Variants in CUX1 observed in about 807,000 individuals in gnomAD.
CUX1 encodes the protein protein CASP.
Under a neutral mutation model 158.8 loss-of-function variants are expected in CUX1, and 31 were observed. That is an observed-to-expected ratio of 0.20 (90% confidence interval 0.15 to 0.26). The LOEUF (loss-of-function observed/expected upper bound fraction) is 0.26. CUX1 is among the 10% of genes least tolerant of loss of function. CUX1 has a pLI of 1.00. For synonymous variants in CUX1, 879 were observed against 862.1 expected, an observed-to-expected ratio of 1.02 and a Z score of -0.34; for missense variants, 1,589 against 2,014.6, an observed-to-expected ratio of 0.79 and a Z score of 4.04.
chr7:102,275,700 G>A (rs879982064), intron 17 of CUX1, among the ~76,000 whole-genome samples: 3 of 152,140 alleles, frequency 2.0e-5, no homozygotes, highest in Non-Finnish European at 2.9e-5. Flanking sequence ...TTTAAGCCAG[G>A]CAGTGGCACT....
chr7:101,954,957 G>A (rs1376923579), intron 2 of CUX1, among the ~76,000 whole-genome samples: 5 of 152,160 alleles, frequency 3.3e-5, no homozygotes, highest in Non-Finnish European at 7.3e-5. Flanking sequence ...GATCACCTGA[G>A]GCCAGGAGTT....
intron 3 of CUX1, 78 bp downstream of exon 3, chr7:102,028,223 C>A: frequency 6.7e-7 from 1 of 1,496,854 alleles, no homozygotes. Context: ...TAAAGAAATG[C>A]TCCGGGCAAA....
At chr7:101,828,833 A>G (rs1793671851) in intron 1 of CUX1, among the ~76,000 whole-genome samples, 1 of 152,134 alleles carries the variant, frequency 6.6e-6, no homozygotes, top group African/African-American at 2.4e-5. Flanking sequence ...TTAGAGAGGC[A>G]GGATGCCCAG....
Position 102,201,681 on chromosome 7 carries a change from A to G in CUX1, c.2384A>G (p.Asp795Gly), listed in dbSNP as rs782645879. 2 of 1,612,614 alleles carry G rather than the reference A, an allele frequency of 1.2e-6. No individual in the cohort carries two copies. The highest frequency in any genetic ancestry group is 1.7e-4 in the Middle Eastern group (1 of 6,036). The change falls in exon 18 of 24, where the codon GAC becomes GGC. Residue 795 changes from aspartate (D) to glycine (G), a missense_variant. Physicochemically the swap from Asp to Gly is moderately conservative, Grantham distance 94. Transcript: ENST00000292535. This position sits in a 1 kb window ranked among gnomAD's most constrained non-coding sequence, Gnocchi z 5.0. ...KKEAQDAPGL[D>G]PQGAADCAQG... ...GAGGCCCAGGACGCCCCCGGGCTGG[A>G]CCCCCAGGGAGCAGCCGATTGTGCA...
chr7:101,914,850 C>T (rs914561189), intron 1 of CUX1, among the ~76,000 whole-genome samples: 2 of 152,126 alleles, frequency 1.3e-5, no homozygotes, highest in African/African-American at 2.4e-5. Flanking sequence ...CGGCATGGCC[C>T]ACCCCGTAGT....
intron 1 of CUX1, among the ~76,000 whole-genome samples, chr7:101,842,646 A>G (rs1032658504): frequency 3.3e-5 from 5 of 152,018 alleles, no homozygotes; most frequent in African/African-American, 9.7e-5. Context: ...TCAGCCTCCC[A>G]AAGTGTTGGG....
At chr7:101,940,072 T>C (rs1585041337) in intron 2 of CUX1, among the ~76,000 whole-genome samples, 2 of 126,760 alleles carry the variant, frequency 1.6e-5, no homozygotes, top group African/African-American at 3.1e-5. Flanking sequence ...AGAGCGAGAC[T>C]CCATCTAAAA....
intron 2 of CUX1, chr7:101,960,085 G>T (rs1307992158): frequency 6.6e-6 from 1 of 152,142 alleles, no homozygotes; most frequent in Non-Finnish European, 1.5e-5. Flanking sequence ...CCTCCGTTCG[G>T]TGCTTTTTTC....
intron 2 of CUX1, among the ~76,000 whole-genome samples, chr7:101,928,716 G>T (rs1342814280): frequency 1.0e-3 from 152 of 146,046 alleles, no homozygotes; most frequent in Non-Finnish European, 2.4e-4. Flanking sequence ...TGTCACCCAG[G>T]CTGGAGTGCA....
intron 4 of CUX1, among the ~76,000 whole-genome samples, chr7:102,078,044 C>G (rs782416753): frequency 3.3e-5 from 5 of 152,130 alleles, no homozygotes; most frequent in African/African-American, 4.8e-5. Context: ...TGTGACTTCT[C>G]TGTTCCAGAA....
intron 20 of CUX1, among the ~76,000 whole-genome samples, chr7:102,216,535 C>CA (rs1491445480): frequency 1.4e-4 from 9 of 64,038 alleles, no homozygotes; most frequent in African/African-American, 6.7e-4. Flanking sequence ...CTCTCCCCCC[C>CA]ACACACACAC....
upstream of CUX1, chr7:101,816,224 C>T (rs1361198966): frequency 2.2e-5 from 4 of 181,460 alleles, no homozygotes; most frequent in African/African-American, 2.4e-5. Context: ...GGGTGCCGGG[C>T]ACCGCGGGGC....
At chr7:101,997,231 G>A (rs560434173) in intron 2 of CUX1, among the ~76,000 whole-genome samples, 2 of 151,636 alleles carry the variant, frequency 1.3e-5, no homozygotes, top group Non-Finnish European at 2.9e-5. Context: ...GGTAGTGTGG[G>A]CCTCCCTGGG....
chr7:101,993,936 C>T (rs1252964055), intron 2 of CUX1, among the ~76,000 whole-genome samples: 1 of 152,226 alleles, frequency 6.6e-6, no homozygotes, highest in Non-Finnish European at 1.5e-5. Context: ...CTCCCAGCCC[C>T]AAACCCGTCC....
intron 6 of CUX1, among the ~76,000 whole-genome samples, chr7:102,109,003 C>T (rs1013235544): frequency 6.6e-6 from 1 of 152,116 alleles, no homozygotes; most frequent in South Asian, 2.1e-4. Flanking sequence ...ACCTGCCCAC[C>T]TTAGCTTCCC....
chr7:101,967,235 G>A (rs955121284), intron 2 of CUX1, among the ~76,000 whole-genome samples: 1 of 151,936 alleles, frequency 6.6e-6, no homozygotes, highest in Non-Finnish European at 1.5e-5. Context: ...GGCTGGTCTT[G>A]AACTCCTGAC....
chr7:101,825,752 TC>T (rs1341951238), intron 1 of CUX1, among the ~76,000 whole-genome samples: 2 of 126,440 alleles, frequency 1.6e-5, no homozygotes, highest in Non-Finnish European at 3.2e-5. Flanking sequence ...CTTAATGAAA[TC>T]TGTGTGTGTG....
chr7:102,220,130 G>A (rs1452670737), intron 20 of CUX1, among the ~76,000 whole-genome samples: 1 of 152,216 alleles, frequency 6.6e-6, no homozygotes, highest in Admixed American at 6.5e-5. Flanking sequence ...GGAGGCTGAG[G>A]CAGGCAGATC....
intron 1 of CUX1, among the ~76,000 whole-genome samples, chr7:101,915,881 G>A (rs974045418): frequency 6.6e-6 from 1 of 152,298 alleles, no homozygotes; most frequent in Admixed American, 6.5e-5. Flanking sequence ...GACCCATGAT[G>A]TTGAACGAGC....
Sources: gnomAD v4.1 joint callset for allele counts (sites outside exome capture counted in the v4.1 genomes callset) on GRCh38, gnomAD v4.1.1 for gene constraint, Gnocchi (gnomAD v3.1) non-coding constraint, MANE v1.5 for transcripts, NCBI Gene and HGNC (gene_info 2026-07-23, HGNC 2026-07-21) for gene names.